The following PAPSS1 variants were observed in gnomAD, a reference collection of about 807,000 sequenced individuals.
PAPSS1 encodes bifunctional 3'-phosphoadenosine 5'-phosphosulfate synthase 1.
A neutral mutation model predicts 72.0 loss-of-function variants in PAPSS1; 50 were observed. The observed-to-expected ratio is 0.69, with a 90% confidence interval of 0.55 to 0.88. The LOEUF (loss-of-function observed/expected upper bound fraction) is 0.88. Among genes scored for constraint, PAPSS1 ranks in the 40% least tolerant of loss-of-function variants. PAPSS1 has a pLI of 0.00. For missense variants in PAPSS1, 657 were observed against 782.2 expected (o/e 0.84, Z 1.91); for synonymous variants, 261 against 263.6 (o/e 0.99, Z 0.09).
intron 9 of PAPSS1, among the ~76,000 whole-genome samples, chr4:107,647,814 C>A (rs1038619183): frequency 3.3e-5 from 5 of 152,152 alleles, no homozygotes; most frequent in African/African-American, 4.8e-5. Flanking sequence ...CTATGAAATT[C>A]CTTCTTGACA....
chr4:107,638,365 G>C (rs1177315470), intron 10 of PAPSS1, among the ~76,000 whole-genome samples: 1 of 152,110 alleles, frequency 6.6e-6, no homozygotes. Flanking sequence ...CCCAATACAA[G>C]ATACACAGAA....
At chr4:107,645,945 C>T (rs567607654) in intron 9 of PAPSS1, among the ~76,000 whole-genome samples, 1 of 152,314 alleles carries the variant, frequency 6.6e-6, no homozygotes, top group African/African-American at 2.4e-5. Flanking sequence ...AAAGGTACCA[C>T]AGGAAGACTG....
rs746052574 is a variant in PAPSS1 at position 107,659,967 on chromosome 4, T to C, written c.775A>G (p.Ile259Val). 1 of 1,571,302 alleles carries C rather than the reference T, an allele frequency of 6.4e-7. No homozygotes were observed. The highest frequency in any genetic ancestry group is 1.1e-5 in the South Asian group (1 of 89,486). The change falls in exon 6 of 12, where the codon ATT becomes GTT. Residue 259 changes from isoleucine (I) to valine (V), a missense_variant. Ile to Val is a conservative substitution (Grantham distance 29, BLOSUM62 3). This residue lies in a region of PAPSS1 where 190 missense variants were observed against 176.7 expected (regional missense o/e 1.07). Transcript: ENST00000265174. ...TDAETLPALK[I>V]NKVDMQWVQV... is the part of the protein sequence containing the mutation. ...AGCAACGAAGAACTTACTTTATTAATTTTCAGTGCTGGTAATGTTTCCGCA... is the reference window on the plus strand; with the variant it reads ...AGCAACGAAGAACTTACTTTATTAACTTTCAGTGCTGGTAATGTTTCCGCA...
At chr4:107,700,854 C>T (rs1723184643) in intron 2 of PAPSS1, among the ~76,000 whole-genome samples, 1 of 152,122 alleles carries the variant, frequency 6.6e-6, no homozygotes, top group South Asian at 2.1e-4. Context: ...TAGACTAAGA[C>T]GTATGGTTTT....
At chr4:107,623,656 G>C (rs879749075) in intron 11 of PAPSS1, among the ~76,000 whole-genome samples, 2 of 152,164 alleles carry the variant, frequency 1.3e-5, no homozygotes, top group African/African-American at 2.4e-5. Flanking sequence ...ACTTAATTAA[G>C]GCAGCAGGGA....
intron 1 of PAPSS1, among the ~76,000 whole-genome samples, chr4:107,709,114 G>A (rs867833238): frequency 9.2e-5 from 14 of 152,098 alleles, no homozygotes; most frequent in African/African-American, 2.9e-4. Flanking sequence ...CCTGATTCAC[G>A]AATTGTTCTT....
chr4:107,674,924 T>A (rs183749473), intron 5 of PAPSS1, among the ~76,000 whole-genome samples: 156 of 152,304 alleles, frequency 1.0e-3, no homozygotes, highest in African/African-American at 3.7e-3. Flanking sequence ...AACCTGCTCC[T>A]GAACGACTAT....
chr4:107,692,778 GTA>G (rs148086345), intron 3 of PAPSS1, among the ~76,000 whole-genome samples: 262 of 145,734 alleles, frequency 1.8e-3, no homozygotes, highest in Admixed American at 2.1e-3. Flanking sequence ...AACACGGTGT[GTA>G]TATATATATA....
rs116109395 is a variant in PAPSS1, at chr4:107,657,392, C to T, written c.784-385G>A. Among the ~76,000 whole-genome samples the T allele has an allele frequency of 1.6e-3, 244 of 152,210 alleles. 1 individual carries two copies. Among genetic ancestry groups the T allele is most frequent in the Non-Finnish European group, 1.8e-3 (121 of 68,006 alleles). ...CCCAGAAAATGATAACAGTGATGAT[C>T]TAATACTTTGATAACCACTCTCCTT... On this transcript the variant is annotated intron_variant, in intron 6 of 11. Transcript: ENST00000265174.
chr4:107,662,832 T>C (rs1394221024), intron 5 of PAPSS1, among the ~76,000 whole-genome samples: 1 of 152,192 alleles, frequency 6.6e-6, no homozygotes, highest in African/African-American at 2.4e-5. Flanking sequence ...ACACGACAAA[T>C]GATAGTTTAG....
chr4:107,630,876 G>A lies in PAPSS1; in HGVS notation c.1736+755C>T, dbSNP rs573270668. Among the ~76,000 whole-genome samples the A allele has an allele frequency of 5.5e-4, 83 of 152,234 alleles. 2 individuals are homozygous for A. The highest frequency in any genetic ancestry group is 5.6e-4 in the Non-Finnish European group (38 of 68,008). On this transcript the variant is annotated intron_variant, in intron 11 of 11. Transcript: ENST00000265174. Reference sequence around the variant, plus strand: ...TTAGAGATTGTTGTGGAAAATACAAGTTGAGCACCCCAATCCACAATCCAA... The same window carrying A: ...TTAGAGATTGTTGTGGAAAATACAAATTGAGCACCCCAATCCACAATCCAA...
chr4:107,649,772 G>C (rs1726789108), intron 9 of PAPSS1, among the ~76,000 whole-genome samples: 1 of 152,198 alleles, frequency 6.6e-6, no homozygotes, highest in African/African-American at 2.4e-5. Flanking sequence ...TATTAACACT[G>C]TACTACCACA....
chr4:107,688,724 G>T (rs1722847687), intron 3 of PAPSS1, among the ~76,000 whole-genome samples: 1 of 152,090 alleles, frequency 6.6e-6, no homozygotes, highest in African/African-American at 2.4e-5. Context: ...TCTCTCAAGT[G>T]CCTTCACAGT....
chr4:107,634,098 G>A (rs904164455), intron 10 of PAPSS1, among the ~76,000 whole-genome samples: 1 of 151,976 alleles, frequency 6.6e-6, no homozygotes, highest in Non-Finnish European at 1.5e-5. Context: ...GTTTACTGCA[G>A]GTTCAGCCTC....
At chr4:107,704,836 A>C (rs536810958) in intron 1 of PAPSS1, among the ~76,000 whole-genome samples, 23 of 152,218 alleles carry the variant, frequency 1.5e-4, no homozygotes, top group African/African-American at 5.1e-4. Context: ...CTGTAGTCCC[A>C]GCTACTCAGA....
chr4:107,701,195 GA>G lies in PAPSS1; in HGVS notation c.150del (p.Arg51ValfsTer7). On this transcript the variant is annotated frameshift_variant, in exon 2 of 12. Coordinates refer to ENST00000265174, the MANE Select transcript of PAPSS1 (RefSeq NM_005443.5). LOFTEE classifies it high-confidence loss of function. ...RGQVVGTRGG[F>X]RGCTVWLTGL... ...CCTGTTAGCCAAACTGTGCAACCAC[GA>G]AAGCCACCTCTGGTCCCCACCACCT... The G allele has an allele frequency of 6.2e-7, 1 of 1,613,308 alleles. No homozygotes were observed. Among genetic ancestry groups the G allele is most frequent in the Non-Finnish European group, 8.5e-7 (1 of 1,179,578 alleles).
At chr4:107,661,639 C>A (rs888654716) in intron 5 of PAPSS1, among the ~76,000 whole-genome samples, 5 of 152,012 alleles carry the variant, frequency 3.3e-5, no homozygotes, top group African/African-American at 1.2e-4. Flanking sequence ...GAATCTGAAA[C>A]TTCTCTAAAA....
rs141549597 is a variant in PAPSS1, at chr4:107,654,859, T to C, written c.937A>G (p.Thr313Ala). ...NLSVPIVLTA[T>A]HEDKERLDGC... ...TCCAGCCTCTCTTTATCTTCATGAG[T>C]CGCAGTCAGAACTATAGGTACTGAC... Residue 313 changes from threonine (T) to alanine (A), a missense_variant, in exon 8 of 12, where the codon ACT becomes GCT. By Grantham distance (58) the Thr-to-Ala change is moderately conservative. Coordinates refer to ENST00000265174, the MANE Select transcript of PAPSS1 (RefSeq NM_005443.5). The C allele has an allele frequency of 1.6e-5, 26 of 1,613,718 alleles. No homozygotes were observed. Among genetic ancestry groups the C allele is most frequent in the Non-Finnish European group, 1.8e-5 (21 of 1,179,928 alleles).
intron 7 of PAPSS1, among the ~76,000 whole-genome samples, chr4:107,656,071 C>G (rs971994148): frequency 6.6e-6 from 1 of 152,074 alleles, no homozygotes. Context: ...AAATTAAAGG[C>G]TGCTGCATTA....
Sources: allele counts gnomAD v4.1 joint callset (sites outside exome capture counted in the v4.1 genomes callset), GRCh38; gene constraint gnomAD v4.1.1; regional missense constraint gnomAD v4.1.1; transcripts MANE v1.5; gene names NCBI Gene and HGNC (gene_info 2026-07-23, HGNC 2026-07-21).